Variants in APBB2 observed in about 807,000 individuals in gnomAD.
APBB2 encodes the protein amyloid beta precursor protein binding family B member 2, also known as Fe65-like 1.
APBB2 carries 38 observed loss-of-function variants against 82.5 expected under a neutral mutation model. The ratio of observed to expected loss-of-function variants is 0.46; its 90% CI spans 0.36 to 0.60. APBB2 has a LOEUF of 0.60. APBB2 is among the 20% of genes least tolerant of loss of function. APBB2 has a pLI of 0.00. For synonymous variants in APBB2, 341 were observed against 368.2 expected (o/e 0.93, Z 0.85); for missense variants, 772 against 972.3 (o/e 0.79, Z 2.74).
intron 12 of APBB2, among the ~76,000 whole-genome samples, chr4:40,884,274 T>C (rs984794874): frequency 1.1e-4 from 16 of 152,328 alleles, no homozygotes; most frequent in Admixed American, 1.0e-3. Flanking sequence ...ATAAAGAGAC[T>C]GAAAGACACT....
chr4:41,082,592 G>A (rs1469012293), intron 3 of APBB2, among the ~76,000 whole-genome samples: 1 of 148,054 alleles, frequency 6.8e-6, no homozygotes, highest in Non-Finnish European at 1.5e-5. Context: ...TTTTTTAAGA[G>A]TTAGTGGTCC....
At position 41,050,941 on chromosome 4, in the gene APBB2, C is replaced by T. The variant is rs139255150; in HGVS notation, c.-51+14635G>A. ...GCCAGGGTCACATTTCTCAGAAAGG[C>T]GGCAGCAGGAAGAGTTGAGCCCGGA... is the stretch of plus-strand genomic sequence containing the variant. On this transcript the variant is annotated intron_variant, in intron 4 of 17. Coordinates refer to ENST00000508593, the MANE Select transcript of APBB2 (RefSeq NM_004307.2). 3.7e-3 allele frequency among the ~76,000 whole-genome samples: 562 copies of T among 150,866 alleles called. 6 individuals are homozygous for T. The highest frequency in any genetic ancestry group is 0.035 in the East Asian group (180 of 5,176).
At chr4:40,863,996 C>A (rs11725751) in intron 12 of APBB2, among the ~76,000 whole-genome samples, 1 of 151,290 alleles carries the variant, frequency 6.6e-6, no homozygotes, top group Non-Finnish European at 1.5e-5. Context: ...CAGTGGCTCA[C>A]GCCTGTAATC....
intron 12 of APBB2, among the ~76,000 whole-genome samples, chr4:40,869,331 C>T (rs187972515): frequency 5.9e-5 from 9 of 152,288 alleles, no homozygotes; most frequent in African/African-American, 2.2e-4. Context: ...ACTGTAATCC[C>T]AGCACTTTGG....
chr4:40,829,427 T>A (rs1751095333), intron 13 of APBB2, among the ~76,000 whole-genome samples: 1 of 152,146 alleles, frequency 6.6e-6, no homozygotes, highest in Non-Finnish European at 1.5e-5. Flanking sequence ...GATAGATGCT[T>A]GTCCAGCGCC....
intron 3 of APBB2, among the ~76,000 whole-genome samples, chr4:41,098,578 A>T (rs1175933206): frequency 6.6e-6 from 1 of 152,254 alleles, no homozygotes; most frequent in African/African-American, 2.4e-5. Context: ...CAAGTCCCAC[A>T]GATGCCTTCC....
intron 10 of APBB2, among the ~76,000 whole-genome samples, chr4:40,930,442 T>TGCGCGCGCGCGCGC (rs765221049): frequency 2.7e-5 from 2 of 73,786 alleles, no homozygotes; most frequent in Non-Finnish European, 5.7e-5. Context: ...TGTGTGTGTG[T>TGCGCGCGCGCGCGC]GTGTGTGCGC....
At chr4:41,102,750 T>C (rs1331833905) in intron 2 of APBB2, among the ~76,000 whole-genome samples, 6 of 152,244 alleles carry the variant, frequency 3.9e-5, no homozygotes, top group Non-Finnish European at 7.3e-5. Flanking sequence ...GTGGCAACCC[T>C]TCTAAAGCAC....
At chr4:40,877,022 G>A (rs970733716) in intron 12 of APBB2, among the ~76,000 whole-genome samples, 9 of 152,274 alleles carry the variant, frequency 5.9e-5, no homozygotes, top group Non-Finnish European at 1.0e-4. Flanking sequence ...GGACCCACAG[G>A]AGCAGGGTCG....
intron 10 of APBB2, among the ~76,000 whole-genome samples, chr4:40,902,973 T>G (rs576013043): frequency 6.6e-6 from 1 of 152,272 alleles, no homozygotes; most frequent in South Asian, 2.1e-4. Flanking sequence ...AGACATGGTC[T>G]GTAAAAAAAA....
At chr4:40,933,476 CA>C (rs1283358634) in intron 10 of APBB2, among the ~76,000 whole-genome samples, 1 of 152,158 alleles carries the variant, frequency 6.6e-6, no homozygotes, top group East Asian at 1.9e-4. Flanking sequence ...TGCGGGTAGG[CA>C]AGAGGCTCAC....
chr4:41,021,564 C>G (rs1215315684), intron 5 of APBB2, among the ~76,000 whole-genome samples: 1 of 152,112 alleles, frequency 6.6e-6, no homozygotes, highest in African/African-American at 2.4e-5. Flanking sequence ...AAAAACGCAC[C>G]AATCAGCCCT....
intron 12 of APBB2, among the ~76,000 whole-genome samples, chr4:40,853,943 T>C (rs763443488): frequency 6.6e-6 from 1 of 152,210 alleles, no homozygotes; most frequent in Non-Finnish European, 1.5e-5. Flanking sequence ...TCTTGCTTCC[T>C]GAATTGTTTT....
chr4:41,055,080 G>A (rs1213695350), intron 4 of APBB2, among the ~76,000 whole-genome samples: 2 of 152,164 alleles, frequency 1.3e-5, no homozygotes, highest in African/African-American at 4.8e-5. Context: ...CACTTGCTAT[G>A]CTCTGGCCAC....
rs1772960594 is a variant in APBB2 at position 41,186,547 on chromosome 4, C to G, written c.-417+27858G>C. On this transcript the variant is annotated intron_variant, in intron 1 of 17. Transcript: ENST00000508593. ...ACACTATGTCAACAACTGTTTCACT[C>G]AAAAAAATGCAGAGTCTATACAATC... is the stretch of plus-strand genomic sequence containing the variant. Among the ~76,000 whole-genome samples, 3 of 151,810 alleles carry G rather than the reference C, an allele frequency of 2.0e-5. No individual in the cohort carries two copies. In the South Asian group the frequency reaches 6.2e-4, roughly 32 times the overall value.
intron 3 of APBB2, among the ~76,000 whole-genome samples, chr4:41,100,173 A>G: frequency 6.6e-6 from 1 of 152,248 alleles, no homozygotes; most frequent in East Asian, 1.9e-4. Flanking sequence ...TTATTGGACA[A>G]GCAATTCCAC....
chr4:40,831,421 A>C (rs6830913), intron 12 of APBB2, among the ~76,000 whole-genome samples: 4,366 of 150,780 alleles, frequency 0.029, 195 homozygotes, highest in African/African-American at 0.1. Flanking sequence ...CAAAAAAAAA[A>C]CATAACTTCA....
intron 10 of APBB2, among the ~76,000 whole-genome samples, chr4:40,917,760 G>A (rs1260871340): frequency 6.6e-6 from 1 of 152,160 alleles, no homozygotes; most frequent in African/African-American, 2.4e-5. Context: ...TAGAAGCTTT[G>A]GAATGATGAG....
chr4:40,827,262 C>T, intron 13 of APBB2, 43 bp from the exon 14 acceptor site: 1 of 1,553,912 alleles, frequency 6.4e-7, no homozygotes, highest in South Asian at 1.1e-5. Flanking sequence ...GGTTCAAGCC[C>T]CCATGTCTTC....
Sources: allele counts gnomAD v4.1 joint callset (sites outside exome capture counted in the v4.1 genomes callset), GRCh38; gene constraint gnomAD v4.1.1; transcripts MANE v1.5; gene names NCBI Gene and HGNC (gene_info 2026-07-23, HGNC 2026-07-21).